PRKN: variants seen among roughly 807,000 people sequenced by gnomAD.
PRKN encodes E3 ubiquitin-protein ligase parkin.
A neutral mutation model predicts 59.5 loss-of-function variants in PRKN; 56 were observed. The ratio of observed to expected loss-of-function variants is 0.94; its 90% CI spans 0.76 to 1.18. The LOEUF (loss-of-function observed/expected upper bound fraction) is 1.18. Ranked by LOEUF, PRKN falls within the 50% of genes most tolerant of loss-of-function variation. The pLI is 0.00. For synonymous variants in PRKN, 250 were observed against 222.1 expected (o/e 1.13, Z -1.12); for missense variants, 657 against 596.4 (o/e 1.10, Z -1.06).
intron 4 of PRKN, among the ~76,000 whole-genome samples, chr6:162,171,494 C>T (rs765544726): frequency 9.9e-5 from 15 of 151,920 alleles, no homozygotes; most frequent in Admixed American, 2.0e-4. Context: ...TCTGTCAAAC[C>T]GGGAAAATAC....
intron 4 of PRKN, among the ~76,000 whole-genome samples, chr6:162,181,128 G>A (rs1783786344): frequency 6.6e-6 from 1 of 152,170 alleles, no homozygotes; most frequent in Non-Finnish European, 1.5e-5. Context: ...GAGGGGAGTG[G>A]GCTGACCGAG....
At chr6:162,526,072 G>A (rs1583726988) in intron 1 of PRKN, among the ~76,000 whole-genome samples, 1 of 152,008 alleles carries the variant, frequency 6.6e-6, no homozygotes, top group Non-Finnish European at 1.5e-5. Context: ...AAATTTCTGA[G>A]GCTCAAGCGA....
intron 1 of PRKN, among the ~76,000 whole-genome samples, chr6:162,708,842 C>T (rs532605153): frequency 9.9e-5 from 15 of 152,208 alleles, no homozygotes; most frequent in Admixed American, 3.3e-4. Context: ...CATAGGGGTC[C>T]GTGGCCTGTT....
At chr6:162,379,465 A>G (rs1249400016) in intron 2 of PRKN, among the ~76,000 whole-genome samples, 2 of 152,146 alleles carry the variant, frequency 1.3e-5, no homozygotes, top group Admixed American at 1.3e-4. Flanking sequence ...TTCTTTCTCT[A>G]CCCCTCAAGA....
chr6:161,941,378 G>A (rs886302680), intron 6 of PRKN, among the ~76,000 whole-genome samples: 1 of 152,224 alleles, frequency 6.6e-6, no homozygotes, highest in African/African-American at 2.4e-5. Flanking sequence ...GATGTGGAGT[G>A]TGGCTGAGGC....
At chr6:162,277,908 T>C (rs2128105488) in intron 2 of PRKN, among the ~76,000 whole-genome samples, 1 of 152,290 alleles carries the variant, frequency 6.6e-6, no homozygotes, top group Admixed American at 6.5e-5. Context: ...AATGCAGCAA[T>C]ACCTGGAGTA....
intron 10 of PRKN, among the ~76,000 whole-genome samples, chr6:161,370,936 C>G (rs1366817865): frequency 6.6e-6 from 1 of 152,230 alleles, no homozygotes; most frequent in East Asian, 1.9e-4. Context: ...TTGCAGACAG[C>G]AGCCTTCCTG....
intron 7 of PRKN, among the ~76,000 whole-genome samples, chr6:161,583,618 G>A (rs1474234838): frequency 6.6e-6 from 1 of 152,040 alleles, no homozygotes; most frequent in African/African-American, 2.4e-5. Flanking sequence ...ACCACCCAGA[G>A]ACAGTCACCA....
Position 162,665,122 on chromosome 6 carries a change from C to A in PRKN, c.7+62540G>T, listed in dbSNP as rs111725347. 5.2e-3 allele frequency among the ~76,000 whole-genome samples: 784 copies of A among 152,174 alleles called. 7 individuals carry two copies. The highest frequency in any genetic ancestry group is 0.017 in the African/African-American group (716 of 41,550). ...GAAGCATTCCCTTTGACAACCAGTACAAGACAAGGACGCCCCCTCTCACCA... is the reference window on the plus strand; with the variant it reads ...GAAGCATTCCCTTTGACAACCAGTAAAAGACAAGGACGCCCCCTCTCACCA... On this transcript the variant is annotated intron_variant, in intron 1 of 11. Transcript: ENST00000366898.
At chr6:162,154,432 C>A (rs1782413304) in intron 4 of PRKN, among the ~76,000 whole-genome samples, 1 of 150,702 alleles carries the variant, frequency 6.6e-6, no homozygotes, top group Admixed American at 6.6e-5. Flanking sequence ...CTCAGGGGAC[C>A]ATTTGTGAAG....
intron 7 of PRKN, among the ~76,000 whole-genome samples, chr6:161,611,292 T>G (rs1420350839): frequency 6.6e-6 from 1 of 152,196 alleles, no homozygotes; most frequent in Non-Finnish European, 1.5e-5. Context: ...TACTTCTCTC[T>G]TACAGCACAG....
intron 7 of PRKN, among the ~76,000 whole-genome samples, chr6:161,628,912 G>A (rs1051506517): frequency 2.6e-5 from 4 of 152,134 alleles, no homozygotes; most frequent in Non-Finnish European, 4.4e-5. Context: ...AGAACCATTC[G>A]CAGGACACAC....
chr6:162,026,999 T>C (rs540786180), intron 5 of PRKN, among the ~76,000 whole-genome samples: 1 of 152,274 alleles, frequency 6.6e-6, no homozygotes, highest in African/African-American at 2.4e-5. Flanking sequence ...GAATTCCTAG[T>C]TAATAGATAA....
chr6:162,117,820 G>A (rs145640782), intron 4 of PRKN, among the ~76,000 whole-genome samples: 58 of 152,284 alleles, frequency 3.8e-4, no homozygotes, highest in African/African-American at 1.4e-3. Context: ...TTTTTGGGCC[G>A]ATGTGGTGGC....
At chr6:161,496,036 C>T (rs1178367824) in intron 9 of PRKN, among the ~76,000 whole-genome samples, 2 of 152,236 alleles carry the variant, frequency 1.3e-5, no homozygotes, top group South Asian at 2.1e-4. Flanking sequence ...CTTCTGGGCA[C>T]TTGGCACAGT....
intron 1 of PRKN, among the ~76,000 whole-genome samples, chr6:162,542,387 T>C (rs774813523): frequency 1.4e-4 from 21 of 152,160 alleles, no homozygotes; most frequent in Non-Finnish European, 2.8e-4. Context: ...ACAGGCAGAA[T>C]TGAGACTCTA....
chr6:162,587,295 T>C (rs2846551), intron 1 of PRKN, among the ~76,000 whole-genome samples: 143,582 of 152,120 alleles, frequency 0.94, 67,890 homozygotes, highest in Middle Eastern at 0.97. Flanking sequence ...ACCACCACAT[T>C]CAGCTAATTT....
intron 3 of PRKN, among the ~76,000 whole-genome samples, chr6:162,234,213 G>A (rs1455002818): frequency 6.6e-6 from 1 of 152,138 alleles, no homozygotes; most frequent in Non-Finnish European, 1.5e-5. Flanking sequence ...GGACTCAGAG[G>A]GAGAATGCCC....
chr6:162,191,433 GTTTATT>G (rs1784273589), intron 4 of PRKN, among the ~76,000 whole-genome samples: 1 of 152,070 alleles, frequency 6.6e-6, no homozygotes, highest in African/African-American at 2.4e-5. Flanking sequence ...TTTCCATTTT[GTTTATT>G]TTTATGTATT....
Sources: gnomAD v4.1 joint callset for allele counts (sites outside exome capture counted in the v4.1 genomes callset) on GRCh38, gnomAD v4.1.1 for gene constraint, MANE v1.5 for transcripts, NCBI Gene and HGNC (gene_info 2026-07-23, HGNC 2026-07-21) for gene names.